CHRNA6: variants seen among roughly 807,000 people sequenced by gnomAD.
CHRNA6 encodes the protein cholinergic receptor nicotinic alpha 6 subunit, also known as neuronal acetylcholine receptor subunit alpha-6.
CHRNA6 carries 31 observed loss-of-function variants against 40.9 expected under a neutral mutation model. The ratio of observed to expected loss-of-function variants is 0.76; its 90% CI spans 0.57 to 1.02. The LOEUF is 1.02. Among genes scored for constraint, CHRNA6 ranks in the 50% least tolerant of loss-of-function variants. The probability of loss-of-function intolerance (pLI) is 0.00; values close to 1 mark genes in which losing one functional copy is unlikely to be tolerated. For synonymous variants in CHRNA6, 222 were observed against 221.3 expected (o/e 1.00, Z -0.03); for missense variants, 546 against 596.6 (o/e 0.92, Z 0.88).
intron 1 of CHRNA6, among the ~76,000 whole-genome samples, chr8:42,766,582 T>C (rs924555682): frequency 1.2e-4 from 18 of 152,190 alleles, no homozygotes; most frequent in Non-Finnish European, 1.5e-5. Context: ...GATCGTGCCC[T>C]TTGCAGGGAC....
chr8:42,758,998 T>C, intron 3 of CHRNA6, 71 bp downstream of exon 3: 8 of 1,142,820 alleles, frequency 7.0e-6, no homozygotes, highest in Non-Finnish European at 1.1e-5. Flanking sequence ...CAGTTGGAGA[T>C]GGAACAAGGT....
chr8:42,764,650 A>C (rs927493499), intron 2 of CHRNA6, among the ~76,000 whole-genome samples: 1 of 152,156 alleles, frequency 6.6e-6, no homozygotes, highest in Non-Finnish European at 1.5e-5. Context: ...TAAACTGTGG[A>C]GTGAAAAGGG....
At position 42,765,112 on chromosome 8, in the gene CHRNA6, G is replaced by A. The variant is rs1458311976; in HGVS notation, c.172C>T (p.Pro58Ser). 1.2e-6 allele frequency: 2 copies of A among 1,614,202 alleles called. No homozygotes were observed. The highest frequency in any genetic ancestry group is 2.2e-5 in the South Asian group (2 of 91,082). ...FIRPVENVSD[P>S]VTVHFEVAIT... ...GCCACTTCAAAGTGTACCGTGACAG[G>A]GTCGGAAACGTTTTCCACAGGCCTG... Residue 58 changes from proline to serine, a missense_variant, in exon 2 of 6, where the codon CCT (proline) becomes TCT (serine). By Grantham distance (74) the Pro-to-Ser change is moderately conservative. This residue lies in a region of CHRNA6 where 476 missense variants were observed against 494.5 expected (regional missense o/e 0.96). Coordinates refer to ENST00000276410, the MANE Select transcript of CHRNA6 (RefSeq NM_004198.3).
chr8:42,762,744 G>A (rs1397907995), intron 2 of CHRNA6, among the ~76,000 whole-genome samples: 4 of 152,096 alleles, frequency 2.6e-5, no homozygotes, highest in South Asian at 2.1e-4. Flanking sequence ...TCAGTGACTC[G>A]GAGGAATCTC....
chr8:42,754,065 G>A (rs532417604), intron 5 of CHRNA6, among the ~76,000 whole-genome samples: 89 of 152,284 alleles, frequency 5.8e-4, no homozygotes, highest in Non-Finnish European at 1.0e-3. Flanking sequence ...TGGCCATGGA[G>A]AGCTGGTTGT....
chr8:42,755,728 G>T, intron 5 of CHRNA6, 118 bp downstream of exon 5: 1 of 1,203,510 alleles, frequency 8.3e-7, no homozygotes, highest in Non-Finnish European at 1.2e-6. Flanking sequence ...AGGTCTCAGA[G>T]CAAGGCCGCC....
At chr8:42,754,666 G>A (rs1025591568) in intron 5 of CHRNA6, among the ~76,000 whole-genome samples, 5 of 152,154 alleles carry the variant, frequency 3.3e-5, no homozygotes, top group Non-Finnish European at 7.3e-5. Context: ...GCTGCAGTCC[G>A]AGGTCAAACC....
intron 1 of CHRNA6, among the ~76,000 whole-genome samples, chr8:42,766,237 A>G (rs1816973653): frequency 6.6e-6 from 1 of 152,206 alleles, no homozygotes; most frequent in Admixed American, 6.5e-5. Flanking sequence ...TCACGCCTGT[A>G]ATCTCAGCAC....
At chr8:42,765,314 G>T in intron 1 of CHRNA6, 110 bp from the exon 2 acceptor site, 2 of 1,191,466 alleles carry the variant, frequency 1.7e-6, no homozygotes, top group Non-Finnish European at 2.4e-6. Context: ...CCCAGCCCAT[G>T]ACTGCATCCT....
At chr8:42,758,298 T>C (rs550668264) in intron 3 of CHRNA6, among the ~76,000 whole-genome samples, 1 of 152,164 alleles carries the variant, frequency 6.6e-6, no homozygotes, top group South Asian at 2.1e-4. Flanking sequence ...AAGGGTATGA[T>C]GATAAGCTTT....
chr8:42,756,462 T>G lies in CHRNA6; in HGVS notation c.737A>C (p.Asn246Thr), dbSNP rs754789848. ...AATAAAGAGACAAGGGATGATCAGA[T>G]TAATCGTGTAAAACATCGGCAATCT... The part of the protein sequence containing the change: ...IRRLPMFYTI[N>T]LIIPCLFISF... Residue 246 changes from asparagine (N) to threonine (T), a missense_variant, in exon 5 of 6, where the codon AAT becomes ACT. Asn to Thr is a moderately conservative substitution (Grantham distance 65). Coordinates refer to ENST00000276410, the MANE Select transcript of CHRNA6 (RefSeq NM_004198.3). The G allele has an allele frequency of 6.2e-7, 1 of 1,614,176 alleles. No individual in the cohort carries two copies. The highest frequency in any genetic ancestry group is 1.7e-5 in the Admixed American group (1 of 60,020).
chr8:42,767,335 CA>C (rs1225846959), intron 1 of CHRNA6, among the ~76,000 whole-genome samples: 1 of 152,182 alleles, frequency 6.6e-6, no homozygotes, highest in Non-Finnish European at 1.5e-5. Flanking sequence ...AAATTCTAGA[CA>C]ATAACTTTAT....
intron 2 of CHRNA6, among the ~76,000 whole-genome samples, chr8:42,760,645 C>G (rs772481450): frequency 6.6e-6 from 1 of 152,184 alleles, no homozygotes; most frequent in African/African-American, 2.4e-5. Context: ...CAGTCATGCA[C>G]ACACACGCTA....
At chr8:42,764,214 T>A (rs1448778713) in intron 2 of CHRNA6, among the ~76,000 whole-genome samples, 2 of 152,276 alleles carry the variant, frequency 1.3e-5, no homozygotes, top group East Asian at 3.9e-4. Context: ...AGAGCTCCAG[T>A]CCTACTTGCC....
At chr8:42,766,454 T>G (rs1278119111) in intron 1 of CHRNA6, among the ~76,000 whole-genome samples, 1 of 149,644 alleles carries the variant, frequency 6.7e-6, no homozygotes, top group Non-Finnish European at 1.5e-5. Flanking sequence ...ATCGTGCCAC[T>G]GCACTCCAGC....
rs548254012 is a variant in CHRNA6, at chr8:42,757,759, C to T, written c.265-722G>A. Among the ~76,000 whole-genome samples the T allele has an allele frequency of 7.7e-5, 11 of 142,330 alleles. No individual in the cohort carries two copies. In the South Asian group the frequency reaches 1.6e-3, roughly 20 times the overall value. The allele number at this position is 142,330 out of a possible 152,430, so 93.4% of individuals were successfully genotyped here. On this transcript the variant is annotated intron_variant, in intron 3 of 5. Transcript: ENST00000276410. ...AAAAAAAAAAAAAAAAGTGGCCCGGCGCGATGGCTCACGCCTGTAATCCCA... is the reference window on the plus strand; with the variant it reads ...AAAAAAAAAAAAAAAAGTGGCCCGGTGCGATGGCTCACGCCTGTAATCCCA...
chr8:42,760,464 A>G (rs61259336), intron 2 of CHRNA6, among the ~76,000 whole-genome samples: 2,255 of 139,388 alleles, frequency 0.016, 58 homozygotes, highest in African/African-American at 0.053. Context: ...ACACTCATAC[A>G]CACACACTGG....
chr8:42,759,910 A>C (rs1431600628), intron 2 of CHRNA6, among the ~76,000 whole-genome samples: 2 of 151,914 alleles, frequency 1.3e-5, no homozygotes, highest in Non-Finnish European at 2.9e-5. Flanking sequence ...AAAAAAAAAA[A>C]AAAAGTCAGC....
At chr8:42,758,386 A>T (rs1406215397) in intron 3 of CHRNA6, among the ~76,000 whole-genome samples, 1 of 151,526 alleles carries the variant, frequency 6.6e-6, no homozygotes, top group African/African-American at 2.4e-5. Context: ...TTCAAGACAG[A>T]GTCTCGCTCT....
Sources: gnomAD v4.1 joint callset for allele counts (sites outside exome capture counted in the v4.1 genomes callset) on GRCh38, gnomAD v4.1.1 for gene constraint, gnomAD v4.1.1 regional missense constraint, MANE v1.5 for transcripts, NCBI Gene and HGNC (gene_info 2026-07-23, HGNC 2026-07-21) for gene names.